ARHGAP39: variants seen among roughly 807,000 people sequenced by gnomAD.
ARHGAP39 encodes Rho GTPase activating protein 39.
ARHGAP39 carries 44 observed loss-of-function variants against 106.9 expected under a neutral mutation model. That is an observed-to-expected ratio of 0.41 (90% CI 0.32 to 0.53). The LOEUF is 0.53. Among genes scored for constraint, ARHGAP39 ranks in the 20% least tolerant of loss-of-function variants. The pLI, the probability that ARHGAP39 is intolerant of heterozygous loss-of-function variation, is 0.21. For missense variants in ARHGAP39, 1,496 were observed against 1,577.3 expected, an observed-to-expected ratio of 0.95 and a Z score of 0.87; for synonymous variants, 768 against 693.2, an observed-to-expected ratio of 1.11 and a Z score of -1.69.
chr8:144,576,570 AT>A (rs1010554731), intron 3 of ARHGAP39, among the ~76,000 whole-genome samples: 1 of 152,210 alleles, frequency 6.6e-6, no homozygotes, highest in African/African-American at 2.4e-5. Flanking sequence ...TGACTGACAC[AT>A]TTTGAAAAGA....
At chr8:144,535,349 T>C (rs1016229554) in intron 7 of ARHGAP39, among the ~76,000 whole-genome samples, 3 of 152,104 alleles carry the variant, frequency 2.0e-5, no homozygotes, top group African/African-American at 7.2e-5. Context: ...GACGTTTAGG[T>C]CCTAGAAAAT....
chr8:144,570,363 A>G (rs1428807026), intron 3 of ARHGAP39, among the ~76,000 whole-genome samples: 1 of 152,246 alleles, frequency 6.6e-6, no homozygotes, highest in East Asian at 1.9e-4. Flanking sequence ...GGGTGTTTGG[A>G]CTAGATTTAA....
chr8:144,648,974 C>G (rs536366804), intron 1 of ARHGAP39, among the ~76,000 whole-genome samples: 1 of 151,888 alleles, frequency 6.6e-6, no homozygotes, highest in South Asian at 2.1e-4. Flanking sequence ...AATCCCAAAG[C>G]TAAAAAAAGA....
chr8:144,617,260 C>T (rs1335578170), intron 1 of ARHGAP39, among the ~76,000 whole-genome samples: 1 of 151,964 alleles, frequency 6.6e-6, no homozygotes, highest in East Asian at 1.9e-4. Context: ...TTTCAGAAGT[C>T]CTTCTGAATA....
chr8:144,576,804 C>T (rs1818795704), intron 3 of ARHGAP39, among the ~76,000 whole-genome samples: 1 of 152,152 alleles, frequency 6.6e-6, no homozygotes, highest in Non-Finnish European at 1.5e-5. Context: ...GCCAAGTCCG[C>T]TCGTCCGCTT....
At chr8:144,598,809 A>G (rs1421814049) in intron 2 of ARHGAP39, among the ~76,000 whole-genome samples, 2 of 152,242 alleles carry the variant, frequency 1.3e-5, no homozygotes, top group Non-Finnish European at 2.9e-5. Flanking sequence ...AACCTTTCAC[A>G]TGCAAAAGCC....
At chr8:144,654,864 C>G (rs549598517) in intron 1 of ARHGAP39, among the ~76,000 whole-genome samples, 25 of 152,226 alleles carry the variant, frequency 1.6e-4, no homozygotes, top group Admixed American at 3.9e-4. Flanking sequence ...CTCCCAGGTG[C>G]TGCTGCAACC....
intron 3 of ARHGAP39, among the ~76,000 whole-genome samples, chr8:144,566,371 CT>C (rs1818397038): frequency 6.6e-6 from 1 of 152,080 alleles, no homozygotes; most frequent in African/African-American, 2.4e-5. Context: ...TGAGACCACC[CT>C]GGGCAACATG....
At position 144,548,376 on chromosome 8, in the gene ARHGAP39, G is replaced by A; in HGVS notation, c.710C>T (p.Pro237Leu). ...GGGTCTGCGGGAGCGGACCCCAGGT[G>A]GGCCGTCTGGGGCGTAGCCATTGCC... Reference protein sequence around the residue: ...AQGNGYAPDGPPGVRSRRPSG... With the variant: ...AQGNGYAPDGLPGVRSRRPSG... Residue 237 changes from proline (P) to leucine (L), a missense_variant, in exon 5 of 12, where the codon CCA becomes CTA. Transcript: ENST00000377307. The surrounding 1 kb of genome is among the most constrained non-coding windows in gnomAD (Gnocchi z 7.4). 2 of 1,609,096 alleles carry A rather than the reference G, an allele frequency of 1.2e-6. No individual in the cohort carries two copies. The highest frequency in any genetic ancestry group is 1.7e-6 in the Non-Finnish European group (2 of 1,178,304).
intron 2 of ARHGAP39, among the ~76,000 whole-genome samples, chr8:144,590,953 T>C (rs1031276633): frequency 1.3e-5 from 2 of 152,182 alleles, no homozygotes; most frequent in Non-Finnish European, 2.9e-5. Flanking sequence ...ACGCTGAAGA[T>C]GGAAGAAACT....
In ARHGAP39 at chr8:144,671,104, T is replaced by C. The variant is rs1232035918; in HGVS notation, c.-82+14582A>G. Among the ~76,000 whole-genome samples, 3 of 152,188 alleles carry C rather than the reference T, an allele frequency of 2.0e-5. No individual in the cohort carries two copies. Among genetic ancestry groups the C allele is most frequent in the Non-Finnish European group, 4.4e-5 (3 of 68,038 alleles). On this transcript the variant is annotated intron_variant, in intron 1 of 11. Coordinates refer to ENST00000377307, the MANE Select transcript of ARHGAP39 (RefSeq NM_025251.3). This position sits in a 1 kb window ranked among gnomAD's most constrained non-coding sequence, Gnocchi z 4.5. ...CCTTCACATACCAAGCACATGCTAA[T>C]TAATTCCAGTTTGTAAATCCTAATG...
chr8:144,623,214 T>C (rs556669652), intron 1 of ARHGAP39, among the ~76,000 whole-genome samples: 1 of 152,246 alleles, frequency 6.6e-6, no homozygotes, highest in South Asian at 2.1e-4. Context: ...AGTGAGCAAA[T>C]TCCAACCCAG....
intron 1 of ARHGAP39, among the ~76,000 whole-genome samples, chr8:144,662,190 AC>A (rs1821841008): frequency 9.8e-6 from 1 of 102,344 alleles, no homozygotes; most frequent in Admixed American, 9.8e-5. Context: ...GGATCACTCC[AC>A]CCTCCCCATT....
intron 3 of ARHGAP39, 66 bp from the exon 4 acceptor site, chr8:144,555,709 CCT>C: frequency 7.1e-7 from 1 of 1,409,970 alleles, no homozygotes; most frequent in Non-Finnish European, 1.0e-6. Flanking sequence ...CCAGCCACTC[CCT>C]GACTTAAGAA....
chr8:144,642,014 G>T (rs900927554), intron 1 of ARHGAP39, among the ~76,000 whole-genome samples: 2 of 152,338 alleles, frequency 1.3e-5, no homozygotes, highest in South Asian at 4.1e-4. Flanking sequence ...GTTGCTTTAA[G>T]AGGTTAAATC....
At chr8:144,600,475 C>CGTG (rs1819828906) in intron 2 of ARHGAP39, among the ~76,000 whole-genome samples, 1 of 128,116 alleles carries the variant, frequency 7.8e-6, no homozygotes, top group Admixed American at 8.4e-5. Flanking sequence ...CCTGCGTGTG[C>CGTG]ATCGAGGCGT....
chr8:144,675,562 T>C (rs1370264313), intron 1 of ARHGAP39, among the ~76,000 whole-genome samples: 1 of 152,136 alleles, frequency 6.6e-6, no homozygotes, highest in African/African-American at 2.4e-5. Flanking sequence ...GGTGGGTTTG[T>C]GGTCTCGCTG....
chr8:144,620,669 G>C (rs977506466), intron 1 of ARHGAP39, among the ~76,000 whole-genome samples: 1 of 152,254 alleles, frequency 6.6e-6, no homozygotes, highest in Non-Finnish European at 1.5e-5. Context: ...TGCATCCCTT[G>C]CAAGAGTGAT....
chr8:144,677,423 G>A (rs1310895110), intron 1 of ARHGAP39, among the ~76,000 whole-genome samples: 1 of 152,234 alleles, frequency 6.6e-6, no homozygotes, highest in African/African-American at 2.4e-5. Flanking sequence ...TAAGAGACAA[G>A]AGCAAACCCT....
Sources: allele counts gnomAD v4.1 joint callset (sites outside exome capture counted in the v4.1 genomes callset), GRCh38; gene constraint gnomAD v4.1.1; non-coding constraint Gnocchi (gnomAD v3.1); transcripts MANE v1.5; gene names NCBI Gene and HGNC (gene_info 2026-07-23, HGNC 2026-07-21).